The following ZBTB20 variants were observed in gnomAD, a reference collection of about 807,000 sequenced individuals.
The protein encoded by ZBTB20 is zinc finger and BTB domain-containing protein 20.
Under a neutral mutation model 56.9 loss-of-function variants are expected in ZBTB20, and 9 were observed. The ratio of observed to expected loss-of-function variants is 0.16; its 90% CI spans 0.10 to 0.28. The LOEUF (loss-of-function observed/expected upper bound fraction) is 0.28. Ranked by LOEUF, ZBTB20 falls within the 10% of genes least tolerant of loss-of-function variation. ZBTB20 has a pLI of 1.00. For synonymous variants in ZBTB20, 417 were observed against 420.7 expected, an observed-to-expected ratio of 0.99 and a Z score of 0.11; for missense variants, 655 against 1,003.0, an observed-to-expected ratio of 0.65 and a Z score of 4.69.
At chr3:114,733,672 A>G (rs2065923289) in intron 5 of ZBTB20, among the ~76,000 whole-genome samples, 1 of 152,146 alleles carries the variant, frequency 6.6e-6, no homozygotes, top group Non-Finnish European at 1.5e-5. Context: ...AGAATTAACT[A>G]GGTTGCTTTA....
chr3:114,749,815 A>T (rs1382191467), intron 5 of ZBTB20, among the ~76,000 whole-genome samples: 1 of 152,200 alleles, frequency 6.6e-6, no homozygotes, highest in Non-Finnish European at 1.5e-5. Flanking sequence ...TTTCTTACCT[A>T]TTAAATGAAG....
At chr3:114,570,081 T>C (rs2053249489) in intron 6 of ZBTB20, among the ~76,000 whole-genome samples, 1 of 152,148 alleles carries the variant, frequency 6.6e-6, no homozygotes, top group Non-Finnish European at 1.5e-5. Flanking sequence ...TCAACATGTA[T>C]TTTGAGGTCA....
At chr3:115,059,709 A>C (rs72943866) in intron 2 of ZBTB20, among the ~76,000 whole-genome samples, 1 of 152,090 alleles carries the variant, frequency 6.6e-6, no homozygotes, top group African/African-American at 2.4e-5. Context: ...TTCAATTTCT[A>C]TCTCCTAATC....
At position 114,329,699 on chromosome 3, in the gene ZBTB20, AC is replaced by A. The variant is rs2079173662; in HGVS notation, c.*9305del. ...AAAGAGTTCCTGAAACTCTGGTTTT[AC>A]TTTTTTTGGAAAAAAAAAAAAAAAA... On this transcript the variant is annotated 3_prime_UTR_variant, in exon 12 of 12. Transcript: ENST00000675478. 2 of 67,780 alleles carry A rather than the reference AC, an allele frequency of 3.0e-5. No individual in the cohort carries two copies. The highest frequency in any genetic ancestry group is 1.1e-3 in the South Asian group (2 of 1,824). The allele number at this position is 67,780 out of a possible 1,614,324, so 4.2% of individuals were successfully genotyped here. A position where few individuals can be genotyped will look rare whatever the true frequency, so the allele number is the denominator to read the frequency against.
At chr3:115,015,102 T>G (rs920378388) in intron 2 of ZBTB20, among the ~76,000 whole-genome samples, 15 of 151,834 alleles carry the variant, frequency 9.9e-5, no homozygotes, top group Non-Finnish European at 1.5e-4. Context: ...TCAGATGCCC[T>G]ATATGCTATG....
At chr3:115,042,239 T>C (rs2081172228) in intron 2 of ZBTB20, among the ~76,000 whole-genome samples, 2 of 152,198 alleles carry the variant, frequency 1.3e-5, no homozygotes, top group Admixed American at 6.5e-5. Context: ...AATTTAGTGT[T>C]CCAACTACTT....
chr3:114,965,938 A>G (rs776578065), intron 3 of ZBTB20, among the ~76,000 whole-genome samples: 1 of 152,126 alleles, frequency 6.6e-6, no homozygotes, highest in Non-Finnish European at 1.5e-5. Flanking sequence ...TTGAAAACAT[A>G]TTCTTCCATT....
At chr3:114,964,392 G>A (rs1234488917) in intron 3 of ZBTB20, among the ~76,000 whole-genome samples, 2 of 152,128 alleles carry the variant, frequency 1.3e-5, no homozygotes, top group Non-Finnish European at 2.9e-5. Flanking sequence ...TCCAGCCTGG[G>A]CAACAGAGTG....
At chr3:114,446,445 T>C (rs2091276325) in intron 7 of ZBTB20, among the ~76,000 whole-genome samples, 3 of 152,150 alleles carry the variant, frequency 2.0e-5, no homozygotes, top group South Asian at 4.1e-4. Flanking sequence ...GTGAGAAGTT[T>C]TGCACTGCTT....
At chr3:114,675,859 C>T (rs1373475608) in intron 6 of ZBTB20, among the ~76,000 whole-genome samples, 1 of 151,916 alleles carries the variant, frequency 6.6e-6, no homozygotes, top group Non-Finnish European at 1.5e-5. Flanking sequence ...CCAACAACAA[C>T]AGCAGTAACA....
chr3:114,834,928 T>C (rs953106191), intron 4 of ZBTB20, among the ~76,000 whole-genome samples: 2 of 152,166 alleles, frequency 1.3e-5, no homozygotes, highest in African/African-American at 2.4e-5. Flanking sequence ...TTTCATTATA[T>C]TTTCACCGTA....
rs117775564 is a variant in ZBTB20 at position 114,940,081 on chromosome 3, T to C, written c.-456+34285A>G. Among the ~76,000 whole-genome samples the C allele has an allele frequency of 9.4e-4, 26 of 27,536 alleles. No homozygotes were observed. The East Asian group carries it at 0.024, about 26-fold the overall frequency. The allele number at this position is 27,536 out of a possible 152,430, so 18.1% of individuals were successfully genotyped here. A position where few individuals can be genotyped will look rare whatever the true frequency, so the allele number is the denominator to read the frequency against. Reference sequence around the variant, plus strand: ...TCTGTGTATGTAAGTATGTGTTCACTAGTGCATTCATTTTTTCAACATGTG... The same window carrying C: ...TCTGTGTATGTAAGTATGTGTTCACCAGTGCATTCATTTTTTCAACATGTG... On this transcript the variant is annotated intron_variant, in intron 3 of 11. Coordinates refer to ENST00000675478, the MANE Select transcript of ZBTB20 (RefSeq NM_001348800.3).
intron 5 of ZBTB20, among the ~76,000 whole-genome samples, chr3:114,701,434 G>A (rs1244323963): frequency 6.6e-6 from 1 of 152,130 alleles, no homozygotes; most frequent in Non-Finnish European, 1.5e-5. Context: ...CCATGATGTA[G>A]AGGGATTGGG....
chr3:115,095,055 T>C (rs1046324392), intron 1 of ZBTB20, among the ~76,000 whole-genome samples: 1 of 152,098 alleles, frequency 6.6e-6, no homozygotes, highest in Admixed American at 6.6e-5. Flanking sequence ...ATATGAACAT[T>C]AAATTCATCA....
intron 1 of ZBTB20, among the ~76,000 whole-genome samples, chr3:115,083,636 G>T (rs1363510434): frequency 6.6e-6 from 1 of 151,986 alleles, no homozygotes; most frequent in Non-Finnish European, 1.5e-5. Flanking sequence ...ATGTTAAGTT[G>T]ATTTAAGCAG....
intron 5 of ZBTB20, among the ~76,000 whole-genome samples, chr3:114,727,445 C>T (rs184394220): frequency 6.6e-6 from 1 of 152,312 alleles, no homozygotes; most frequent in East Asian, 1.9e-4. Context: ...CAGAAGCAAG[C>T]AGGGGCAATG....
intron 2 of ZBTB20, among the ~76,000 whole-genome samples, chr3:114,987,059 A>G (rs957759489): frequency 1.3e-5 from 2 of 152,156 alleles, no homozygotes; most frequent in Admixed American, 1.3e-4. Context: ...TATAAAATCT[A>G]AATGTAAAGT....
At chr3:114,512,409 T>C (rs2045509534) in intron 6 of ZBTB20, among the ~76,000 whole-genome samples, 1 of 152,176 alleles carries the variant, frequency 6.6e-6, no homozygotes, top group South Asian at 2.1e-4. Context: ...ACTTCTGCCC[T>C]CAAGGACCTT....
At chr3:114,424,640 C>T (rs941675616) in intron 7 of ZBTB20, among the ~76,000 whole-genome samples, 1 of 152,136 alleles carries the variant, frequency 6.6e-6, no homozygotes, top group Non-Finnish European at 1.5e-5. Flanking sequence ...AGGGGAGCCC[C>T]GTTTAACGTG....
Sources: gnomAD v4.1 joint callset for allele counts (sites outside exome capture counted in the v4.1 genomes callset) on GRCh38, gnomAD v4.1.1 for gene constraint, MANE v1.5 for transcripts, NCBI Gene and HGNC (gene_info 2026-07-23, HGNC 2026-07-21) for gene names.